Variants in GLIS3 observed in about 807,000 individuals in gnomAD.
GLIS3 encodes the protein zinc finger protein GLIS3.
In GLIS3, 53 loss-of-function variants were observed where a neutral mutation model predicts 78.6. That is an observed-to-expected ratio of 0.67 (90% CI 0.54 to 0.85). The LOEUF is 0.85. Among genes scored for constraint, GLIS3 ranks in the 40% least tolerant of loss-of-function variants. The pLI, the probability that GLIS3 is intolerant of heterozygous loss-of-function variation, is 0.00. For missense variants in GLIS3, 1,703 were observed against 1,231.1 expected (o/e 1.38, Z -5.74); for synonymous variants, 684 against 509.9 (o/e 1.34, Z -4.60).
intron 9 of GLIS3, among the ~76,000 whole-genome samples, chr9:3,846,212 T>G (rs762868180): frequency 1.3e-5 from 2 of 152,208 alleles, no homozygotes; most frequent in Non-Finnish European, 2.9e-5. Flanking sequence ...CGTACTTAAC[T>G]TTCAAGCAAA....
At chr9:4,122,762 A>G (rs1257792038) in intron 3 of GLIS3, among the ~76,000 whole-genome samples, 1 of 152,258 alleles carries the variant, frequency 6.6e-6, no homozygotes, top group Non-Finnish European at 1.5e-5. Context: ...TGTTTCTTCT[A>G]CTACTCAATG....
intron 2 of GLIS3, among the ~76,000 whole-genome samples, chr9:4,221,246 A>G (rs1821308489): frequency 6.6e-6 from 1 of 152,176 alleles, no homozygotes. Flanking sequence ...ATGAGGTAAA[A>G]TGTTAAAATT....
At chr9:3,979,676 T>A (rs934622689) in intron 4 of GLIS3, among the ~76,000 whole-genome samples, 1 of 152,172 alleles carries the variant, frequency 6.6e-6, no homozygotes, top group South Asian at 2.1e-4. Flanking sequence ...CCACACAGTT[T>A]TATGGATGTC....
chr9:4,471,401 A>AAC, the GLIS3 span, among the ~76,000 whole-genome samples: 3 of 152,196 alleles, frequency 2.0e-5, no homozygotes, highest in East Asian at 5.8e-4. Flanking sequence ...CTGGTACCAA[A>AAC]AGAGAGATAT....
At chr9:3,908,771 G>T (rs775967335) in intron 6 of GLIS3, among the ~76,000 whole-genome samples, 1 of 111,614 alleles carries the variant, frequency 9.0e-6, no homozygotes, top group Non-Finnish European at 1.7e-5. Flanking sequence ...CTTGTAACAA[G>T]AGATGGAAAT....
Position 3,963,595 on chromosome 9 carries a change from A to T in GLIS3, c.1711-26406T>A, listed in dbSNP as rs1454086213. On this transcript the variant is annotated intron_variant, in intron 4 of 10. Transcript: ENST00000381971. ...GACCATCCTCTAATGCAGAGACCAA[A>T]TAAGAGGAAAATTAAGTGCTGAATG... Among the ~76,000 whole-genome samples, 5 of 152,200 alleles carry T rather than the reference A, an allele frequency of 3.3e-5. No individual in the cohort carries two copies. The East Asian group carries it at 5.8e-4, about 18-fold the overall frequency.
At chr9:4,142,152 T>C (rs944656340) in intron 2 of GLIS3, among the ~76,000 whole-genome samples, 4 of 152,202 alleles carry the variant, frequency 2.6e-5, no homozygotes, top group African/African-American at 7.2e-5. Context: ...ATAATACATA[T>C]TGATGCCAGT....
At chr9:4,075,990 G>A (rs941920579) in intron 4 of GLIS3, among the ~76,000 whole-genome samples, 6 of 152,148 alleles carry the variant, frequency 3.9e-5, no homozygotes, top group African/African-American at 7.2e-5. Flanking sequence ...AACACCTCAC[G>A]AAGAAAAAAT....
At chr9:3,973,997 G>A (rs772398532) in intron 4 of GLIS3, among the ~76,000 whole-genome samples, 1 of 152,094 alleles carries the variant, frequency 6.6e-6, no homozygotes, top group African/African-American at 2.4e-5. Context: ...AAACATTTAT[G>A]AGCTCAGATC....
At chr9:4,150,614 C>T (rs1221042165) in intron 2 of GLIS3, among the ~76,000 whole-genome samples, 1 of 152,178 alleles carries the variant, frequency 6.6e-6, no homozygotes, top group Non-Finnish European at 1.5e-5. Context: ...AAAAGACTAT[C>T]TTTAAACCAG....
the GLIS3 span, among the ~76,000 whole-genome samples, chr9:4,380,220 T>G: frequency 2.6e-5 from 4 of 152,248 alleles, no homozygotes; most frequent in Non-Finnish European, 2.9e-5. Context: ...TAAATTTGCC[T>G]TCTTGCCTGC....
chr9:4,326,858 G>A (rs543100097), intron 2 of GLIS3, among the ~76,000 whole-genome samples: 57 of 152,284 alleles, frequency 3.7e-4, no homozygotes, highest in African/African-American at 1.2e-3. Context: ...TGGCATAAGC[G>A]TGGAGCATCT....
At chr9:4,422,873 T>A in the GLIS3 span, among the ~76,000 whole-genome samples, 1 of 152,196 alleles carries the variant, frequency 6.6e-6, no homozygotes, top group Admixed American at 6.5e-5. Context: ...GACCCTGAGA[T>A]AGAAAAAGTA....
chr9:4,038,587 T>A (rs542068102), intron 4 of GLIS3, among the ~76,000 whole-genome samples: 3 of 152,196 alleles, frequency 2.0e-5, no homozygotes, highest in Non-Finnish European at 4.4e-5. Flanking sequence ...TTCCCAGGCA[T>A]GTCTCTTTAA....
Position 3,977,592 on chromosome 9 carries a change from T to C in GLIS3, c.1711-40403A>G, listed in dbSNP as rs1294717237. ...TATGGGATGTGAGCTGGGTTTCAGATTTTCAATAACAAATCTGTCACTCCG... is the reference window on the plus strand; with the variant it reads ...TATGGGATGTGAGCTGGGTTTCAGACTTTCAATAACAAATCTGTCACTCCG... On this transcript the variant is annotated intron_variant, in intron 4 of 10. Coordinates refer to ENST00000381971, the MANE Select transcript of GLIS3 (RefSeq NM_001042413.2). This position sits in a 1 kb window ranked among gnomAD's most constrained non-coding sequence, Gnocchi z 4.1. Among the ~76,000 whole-genome samples the C allele has an allele frequency of 1.3e-5, 2 of 152,166 alleles. No homozygotes were observed. The highest frequency in any genetic ancestry group is 3.8e-4 in the East Asian group (2 of 5,202).
At chr9:4,195,011 T>G (rs936937897) in intron 2 of GLIS3, among the ~76,000 whole-genome samples, 7 of 152,200 alleles carry the variant, frequency 4.6e-5, no homozygotes, top group Non-Finnish European at 7.3e-5. Flanking sequence ...CAGTGCCTTC[T>G]CTAGAGCAGG....
chr9:3,914,637 G>C (rs1353963822), intron 6 of GLIS3, among the ~76,000 whole-genome samples: 2 of 152,134 alleles, frequency 1.3e-5, no homozygotes, highest in Non-Finnish European at 2.9e-5. Flanking sequence ...GGAAGGGCTG[G>C]GAACAAATCC....
intron 4 of GLIS3, among the ~76,000 whole-genome samples, chr9:3,944,020 A>G (rs1372429198): frequency 6.6e-6 from 1 of 152,212 alleles, no homozygotes; most frequent in African/African-American, 2.4e-5. Context: ...TGATGAAGAA[A>G]TCTGTATAAA....
At chr9:3,891,359 G>C (rs1310213922) in intron 7 of GLIS3, among the ~76,000 whole-genome samples, 1 of 152,044 alleles carries the variant, frequency 6.6e-6, no homozygotes, top group Non-Finnish European at 1.5e-5. Context: ...GCATAGATTG[G>C]CTAAAGCGAT....
Sources: allele counts gnomAD v4.1 joint callset (sites outside exome capture counted in the v4.1 genomes callset), GRCh38; gene constraint gnomAD v4.1.1; non-coding constraint Gnocchi (gnomAD v3.1); transcripts MANE v1.5; gene names NCBI Gene and HGNC (gene_info 2026-07-23, HGNC 2026-07-21).